The following YEATS4 variants were observed in gnomAD, a reference collection of about 807,000 sequenced individuals.
YEATS4 encodes YEATS domain-containing protein 4.
In YEATS4, 17 loss-of-function variants were observed where a neutral mutation model predicts 30.1. The ratio of observed to expected loss-of-function variants is 0.56; its 90% CI spans 0.39 to 0.85. The LOEUF is 0.85. YEATS4 is among the 40% of genes least tolerant of loss of function. YEATS4 has a pLI of 0.00. For missense variants in YEATS4, 142 were observed against 268.3 expected, an observed-to-expected ratio of 0.53 and a Z score of 3.29; for synonymous variants, 85 against 87.5, an observed-to-expected ratio of 0.97 and a Z score of 0.16.
chr12:69,364,185 G>C (rs1437279698), intron 2 of YEATS4: 1 of 448,882 alleles, frequency 2.2e-6, no homozygotes. Flanking sequence ...AGGCAAAATG[G>C]CTCATTCCTG....
chr12:69,360,011 C>A lies in YEATS4; in HGVS notation c.39C>A (p.Gly13=). 7.4e-6 allele frequency: 12 copies of A among 1,613,472 alleles called. No homozygotes were observed. The highest frequency in any genetic ancestry group is 1.0e-5 in the Non-Finnish European group (12 of 1,179,744). ...KRMAEFGPDS[G]GRVKGVTIVK... ...TGGCCGAATTTGGGCCTGACTCCGGCGGGAGAGTAAAGGTCAGTGCCCGGA... is the reference window on the plus strand; with the variant it reads ...TGGCCGAATTTGGGCCTGACTCCGGAGGGAGAGTAAAGGTCAGTGCCCGGA... The change falls in exon 1 of 7, where the codon GGC becomes GGA. Residue 13 remains glycine (G), a synonymous_variant. Coordinates refer to ENST00000247843, the MANE Select transcript of YEATS4 (RefSeq NM_006530.4).
At chr12:69,382,699 T>C (rs1281862069) in intron 6 of YEATS4, among the ~76,000 whole-genome samples, 2 of 152,212 alleles carry the variant, frequency 1.3e-5, no homozygotes, top group East Asian at 3.8e-4. Context: ...CCTTTACTCT[T>C]TCCTGTGTGT....
chr12:69,373,356 A>C (rs934882524), intron 6 of YEATS4, among the ~76,000 whole-genome samples: 15 of 152,146 alleles, frequency 9.9e-5, no homozygotes, highest in African/African-American at 2.7e-4. Flanking sequence ...ATGACATCTC[A>C]TTGTAGTTTT....
In YEATS4 at chr12:69,359,960, T is replaced by C; in HGVS notation, c.-13T>C. On this transcript the variant is annotated 5_prime_UTR_variant, in exon 1 of 7. Coordinates refer to ENST00000247843, the MANE Select transcript of YEATS4 (RefSeq NM_006530.4). ...TCTTTCCCTGGCGGCGGCGGCTTCT[T>C]CCGTGGGACAATATGTTCAAGAGAA... The C allele has an allele frequency of 6.2e-7, 1 of 1,612,220 alleles. No individual in the cohort carries two copies. Among genetic ancestry groups the C allele is most frequent in the East Asian group, 2.2e-5 (1 of 44,652 alleles).
intron 4 of YEATS4, among the ~76,000 whole-genome samples, chr12:69,367,306 G>C (rs1875472368): frequency 6.6e-6 from 1 of 152,100 alleles, no homozygotes; most frequent in Non-Finnish European, 1.5e-5. Context: ...GAAGTTTTTA[G>C]ATCTCCTACC....
At chr12:69,363,136 G>A (rs1345945129) in intron 2 of YEATS4, among the ~76,000 whole-genome samples, 1 of 151,342 alleles carries the variant, frequency 6.6e-6, no homozygotes. Context: ...GGGACTACAG[G>A]CGCCCGCCAC....
At chr12:69,417,814 G>A in the YEATS4 span, among the ~76,000 whole-genome samples, 7 of 146,670 alleles carry the variant, frequency 4.8e-5, no homozygotes, top group Admixed American at 1.4e-4. Flanking sequence ...TTTTTGTTGC[G>A]TGTCTCCCCA....
chr12:69,406,031 T>G, the YEATS4 span, among the ~76,000 whole-genome samples: 1 of 152,262 alleles, frequency 6.6e-6, no homozygotes, highest in Non-Finnish European at 1.5e-5. Flanking sequence ...CTATGATTTA[T>G]TTAATCATTG....
At chr12:69,424,939 G>A in the YEATS4 span, among the ~76,000 whole-genome samples, 1 of 152,054 alleles carries the variant, frequency 6.6e-6, no homozygotes, top group Non-Finnish European at 1.5e-5. Flanking sequence ...TTTATTTTGA[G>A]ACGGAGTTTT....
At chr12:69,407,837 C>T in the YEATS4 span, among the ~76,000 whole-genome samples, 1 of 151,086 alleles carries the variant, frequency 6.6e-6, no homozygotes, top group Non-Finnish European at 1.5e-5. Flanking sequence ...CTGCCTCAGC[C>T]CCCTGAGTAG....
chr12:69,400,016 G>A, the YEATS4 span, among the ~76,000 whole-genome samples: 2 of 152,078 alleles, frequency 1.3e-5, no homozygotes, highest in Admixed American at 6.6e-5. Context: ...ATTTTTTTAC[G>A]TGGCGGTGAT....
At chr12:69,416,096 G>A in the YEATS4 span, among the ~76,000 whole-genome samples, 48 of 152,234 alleles carry the variant, frequency 3.2e-4, no homozygotes, top group Admixed American at 3.1e-3. Flanking sequence ...TCCCAGGCCC[G>A]CGGTCCTACC....
chr12:69,363,637 A>C (rs534008259), intron 2 of YEATS4, among the ~76,000 whole-genome samples: 40 of 152,338 alleles, frequency 2.6e-4, no homozygotes, highest in African/African-American at 9.4e-4. Context: ...TCACTGCTGA[A>C]TCTTCAATGC....
chr12:69,390,190 T>G lies in YEATS4; in HGVS notation c.558T>G (p.Ala186=). 2 of 1,596,832 alleles carry G rather than the reference T, an allele frequency of 1.3e-6. No homozygotes were observed. Among genetic ancestry groups the G allele is most frequent in the Non-Finnish European group, 1.7e-6 (2 of 1,175,978 alleles). Residue 186 remains alanine, a synonymous_variant, in exon 7 of 7, where the codon GCT becomes GCG. Coordinates refer to ENST00000247843, the MANE Select transcript of YEATS4 (RefSeq NM_006530.4). The part of the protein sequence containing the change: ...EVKTREKLEA[A]KKKTSFEIAE... ...AAACCAGAGAAAAATTAGAAGCTGCTAAGAAAAAAACAAGCTTTGAGATTG... is the reference window on the plus strand; with the variant it reads ...AAACCAGAGAAAAATTAGAAGCTGCGAAGAAAAAAACAAGCTTTGAGATTG...
chr12:69,375,082 C>T (rs1875803092), intron 6 of YEATS4, among the ~76,000 whole-genome samples: 2 of 149,334 alleles, frequency 1.3e-5, no homozygotes, highest in Non-Finnish European at 1.5e-5. Context: ...GGCTGCCGGG[C>T]GGAGACGCTC....
chr12:69,389,861 A>G (rs147453219), intron 6 of YEATS4, among the ~76,000 whole-genome samples: 225 of 152,076 alleles, frequency 1.5e-3, no homozygotes, highest in Middle Eastern at 3.4e-3. Context: ...CCTTATTTCA[A>G]TCTTAATATG....
downstream of YEATS4, among the ~76,000 whole-genome samples, chr12:69,392,319 G>A (rs1592863611): frequency 2.0e-5 from 3 of 152,284 alleles, no homozygotes; most frequent in East Asian, 5.8e-4. Flanking sequence ...TTGGAAAACA[G>A]CTTGGCAATT....
At chr12:69,372,364 T>A (rs775214818) in intron 6 of YEATS4, among the ~76,000 whole-genome samples, 1 of 152,186 alleles carries the variant, frequency 6.6e-6, no homozygotes, top group Admixed American at 6.5e-5. Flanking sequence ...TTTAGTTATT[T>A]TTAAATGTAC....
At chr12:69,404,005 T>C in the YEATS4 span, among the ~76,000 whole-genome samples, 1 of 152,178 alleles carries the variant, frequency 6.6e-6, no homozygotes, top group Admixed American at 6.5e-5. Context: ...CCTCTTCCTC[T>C]GTTCATTCTG....
Sources: gnomAD v4.1 joint callset for allele counts (sites outside exome capture counted in the v4.1 genomes callset) on GRCh38, gnomAD v4.1.1 for gene constraint, MANE v1.5 for transcripts, NCBI Gene and HGNC (gene_info 2026-07-23, HGNC 2026-07-21) for gene names.